CSMD1: variants seen among roughly 807,000 people sequenced by gnomAD.
CSMD1 encodes CUB and Sushi multiple domains 1, also known as CUB and sushi domain-containing protein 1.
A neutral mutation model predicts 417.5 loss-of-function variants in CSMD1; 213 were observed. The ratio of observed to expected loss-of-function variants is 0.51; its 90% CI spans 0.46 to 0.57. The LOEUF is 0.57. Among genes scored for constraint, CSMD1 ranks in the 20% least tolerant of loss-of-function variants. The pLI, the probability that CSMD1 is intolerant of heterozygous loss-of-function variation, is 0.00. For synonymous variants in CSMD1, 2,862 were observed against 1,736.8 expected, an observed-to-expected ratio of 1.65 and a Z score of -16.11; for missense variants, 6,923 against 4,529.7, an observed-to-expected ratio of 1.53 and a Z score of -15.17.
intron 3 of CSMD1, among the ~76,000 whole-genome samples, chr8:4,243,962 G>C (rs1802548908): frequency 6.6e-6 from 1 of 152,292 alleles, no homozygotes; most frequent in South Asian, 2.1e-4. Context: ...TCAGTAGCAG[G>C]TGGGAACGGG....
chr8:4,355,208 T>G (rs1175084834), intron 3 of CSMD1, among the ~76,000 whole-genome samples: 5 of 151,640 alleles, frequency 3.3e-5, no homozygotes, highest in South Asian at 2.1e-4. Flanking sequence ...CTTGCAATGA[T>G]CCGAGATCGC....
intron 51 of CSMD1, among the ~76,000 whole-genome samples, chr8:3,020,746 G>C (rs911433306): frequency 1.3e-5 from 2 of 152,080 alleles, no homozygotes; most frequent in African/African-American, 4.8e-5. Flanking sequence ...TTTTCTGTGG[G>C]GTGCACTACC....
At chr8:4,315,161 G>T (rs947113812) in intron 3 of CSMD1, among the ~76,000 whole-genome samples, 2 of 152,144 alleles carry the variant, frequency 1.3e-5, no homozygotes, top group Non-Finnish European at 2.9e-5. Context: ...ACACCTACCG[G>T]AGACAGATGA....
intron 5 of CSMD1, among the ~76,000 whole-genome samples, chr8:3,842,763 T>A (rs1044034472): frequency 4.9e-4 from 75 of 152,156 alleles, no homozygotes; most frequent in Admixed American, 4.9e-3. Context: ...AAAGAAGAGT[T>A]AATATTTGAT....
intron 3 of CSMD1, among the ~76,000 whole-genome samples, chr8:4,113,495 C>G (rs896198861): frequency 1.3e-5 from 2 of 148,400 alleles, no homozygotes; most frequent in African/African-American, 5.0e-5. Flanking sequence ...ACCTCTGCCT[C>G]CCAGGTTCAA....
intron 3 of CSMD1, among the ~76,000 whole-genome samples, chr8:4,370,454 C>T (rs1183874756): frequency 6.6e-6 from 1 of 152,046 alleles, no homozygotes; most frequent in African/African-American, 2.4e-5. Context: ...CATGGAGATT[C>T]TCTGAATTTC....
chr8:3,394,896 T>C (rs1306657494), intron 17 of CSMD1, among the ~76,000 whole-genome samples: 2 of 152,216 alleles, frequency 1.3e-5, no homozygotes, highest in Admixed American at 6.5e-5. Context: ...ATTAAGTCAT[T>C]GATAAGCAAT....
At chr8:3,623,923 G>C (rs563581906) in intron 7 of CSMD1, among the ~76,000 whole-genome samples, 10 of 151,996 alleles carry the variant, frequency 6.6e-5, no homozygotes, top group Non-Finnish European at 1.5e-4. Context: ...TTTGCAGTAA[G>C]CTGAGATTGC....
intron 23 of CSMD1, among the ~76,000 whole-genome samples, chr8:3,320,643 C>G (rs1178212795): frequency 6.6e-6 from 1 of 152,188 alleles, no homozygotes; most frequent in Non-Finnish European, 1.5e-5. Context: ...AACTAGACCA[C>G]CGCTGCATTG....
chr8:4,472,701 G>A (rs888421145), intron 2 of CSMD1, among the ~76,000 whole-genome samples: 12 of 152,006 alleles, frequency 7.9e-5, no homozygotes, highest in African/African-American at 2.9e-4. Flanking sequence ...ATTGAAATGA[G>A]CATATTAGGT....
At chr8:4,593,443 C>G (rs1471442520) in intron 2 of CSMD1, among the ~76,000 whole-genome samples, 2 of 152,050 alleles carry the variant, frequency 1.3e-5, no homozygotes, top group East Asian at 1.9e-4. Context: ...TACCCTTAAG[C>G]ACAGGAGAAT....
intron 3 of CSMD1, among the ~76,000 whole-genome samples, chr8:4,080,185 G>C (rs752154053): frequency 6.6e-6 from 1 of 151,854 alleles, no homozygotes; most frequent in Non-Finnish European, 1.5e-5. Context: ...ATCTTTACTT[G>C]GGTTCATTCT....
At chr8:4,937,399 G>T (rs1032320787) in intron 1 of CSMD1, among the ~76,000 whole-genome samples, 7 of 152,080 alleles carry the variant, frequency 4.6e-5, no homozygotes, top group African/African-American at 9.7e-5. Flanking sequence ...TGGGAAATAT[G>T]ACAGGTTGAA....
Position 3,468,761 on chromosome 8 carries a change from C to T in CSMD1, c.1512G>A (p.Leu504=), listed in dbSNP as rs1816924010. The T allele has an allele frequency of 1.2e-6, 2 of 1,607,198 alleles. No homozygotes were observed. Among genetic ancestry groups the T allele is most frequent in the Non-Finnish European group, 1.7e-6 (2 of 1,176,992 alleles). The change falls in exon 12 of 70, where the codon CTG becomes CTA. Residue 504 remains leucine (L), a synonymous_variant. Coordinates refer to ENST00000635120, the MANE Select transcript of CSMD1 (RefSeq NM_033225.6). Reference sequence around the variant, plus strand: ...GTGAGCCAATGCTATCATCCGACTGCAGATGTAGCCACATCTGGTTGCTCA... The same window carrying T: ...GTGAGCCAATGCTATCATCCGACTGTAGATGTAGCCACATCTGGTTGCTCA... ...VSMSNQMWLH[L]QSDDSIGSPG...
At chr8:4,387,484 C>T (rs1803527942) in intron 3 of CSMD1, among the ~76,000 whole-genome samples, 1 of 138,780 alleles carries the variant, frequency 7.2e-6, no homozygotes. Context: ...ACTTTCATAT[C>T]ATACTTGCAT....
chr8:3,157,008 A>T (rs956566995), intron 39 of CSMD1, among the ~76,000 whole-genome samples: 1 of 150,938 alleles, frequency 6.6e-6, no homozygotes, highest in African/African-American at 2.4e-5. Context: ...AAAAAAAAAA[A>T]GCAGGATACT....
intron 3 of CSMD1, among the ~76,000 whole-genome samples, chr8:4,313,742 A>G (rs1263475287): frequency 6.6e-6 from 1 of 152,134 alleles, no homozygotes; most frequent in Admixed American, 6.5e-5. Flanking sequence ...TAGGCCGGGC[A>G]CAGTGGCTCA....
chr8:4,575,497 G>C (rs1208042904), intron 2 of CSMD1, among the ~76,000 whole-genome samples: 1 of 152,082 alleles, frequency 6.6e-6, no homozygotes, highest in Non-Finnish European at 1.5e-5. Flanking sequence ...GAATAATGCA[G>C]GTATCCTCCA....
At chr8:3,262,105 G>C (rs1021069102) in intron 26 of CSMD1, among the ~76,000 whole-genome samples, 1 of 148,962 alleles carries the variant, frequency 6.7e-6, no homozygotes, top group Non-Finnish European at 1.5e-5. Flanking sequence ...TAAAGGTTAT[G>C]TATGTCTGAG....
Sources: allele counts gnomAD v4.1 joint callset (sites outside exome capture counted in the v4.1 genomes callset), GRCh38; gene constraint gnomAD v4.1.1; transcripts MANE v1.5; gene names NCBI Gene and HGNC (gene_info 2026-07-23, HGNC 2026-07-21).